Variants in UNC13C observed in about 807,000 individuals in gnomAD.
The protein encoded by UNC13C is protein unc-13 homolog C.
UNC13C carries 174 observed loss-of-function variants against 245.4 expected under a neutral mutation model. The ratio of observed to expected loss-of-function variants is 0.71; its 90% CI spans 0.63 to 0.80. The LOEUF is 0.80. Among genes scored for constraint, UNC13C ranks in the 30% least tolerant of loss-of-function variants. The pLI, the probability that UNC13C is intolerant of heterozygous loss-of-function variation, is 0.00. For synonymous variants in UNC13C, 992 were observed against 895.1 expected, an observed-to-expected ratio of 1.11 and a Z score of -1.93; for missense variants, 2,829 against 2,602.9, an observed-to-expected ratio of 1.09 and a Z score of -1.89.
chr15:54,039,194 G>A (rs150147304), intron 2 of UNC13C, among the ~76,000 whole-genome samples: 2,900 of 152,018 alleles, frequency 0.019, 30 homozygotes, highest in South Asian at 0.071. Flanking sequence ...TGTTTTGTTC[G>A]GTTTTGCACT....
At chr15:54,426,306 T>A (rs11636139) in intron 19 of UNC13C, among the ~76,000 whole-genome samples, 80,019 of 146,636 alleles carry the variant, frequency 0.55, 22,041 homozygotes, top group East Asian at 0.79. Context: ...CTGGTGAAGG[T>A]TCTGCTTCCA....
intron 13 of UNC13C, among the ~76,000 whole-genome samples, chr15:54,319,760 A>G (rs947212803): frequency 8.5e-6 from 1 of 118,156 alleles, no homozygotes; most frequent in Admixed American, 7.6e-5. Flanking sequence ...AAGATATGAG[A>G]GCAAAATAGG....
intron 2 of UNC13C, among the ~76,000 whole-genome samples, chr15:54,041,234 A>G (rs78191665): frequency 0.04 from 6,019 of 152,254 alleles, 380 homozygotes; most frequent in African/African-American, 0.14. Flanking sequence ...AATATTTCCC[A>G]TATCATAAAA....
At chr15:54,178,616 G>C (rs951156638) in intron 4 of UNC13C, among the ~76,000 whole-genome samples, 1 of 152,056 alleles carries the variant, frequency 6.6e-6, no homozygotes, top group Admixed American at 6.6e-5. Context: ...TGTTGTTTTC[G>C]TCCCTGGAAA....
intron 30 of UNC13C, among the ~76,000 whole-genome samples, chr15:54,570,504 G>A (rs145305967): frequency 2.0e-5 from 3 of 152,252 alleles, no homozygotes; most frequent in African/African-American, 4.8e-5. Context: ...GCTATGGCTT[G>A]TTGTAACATG....
At chr15:53,897,861 A>G in the UNC13C span, among the ~76,000 whole-genome samples, 1 of 152,202 alleles carries the variant, frequency 6.6e-6, no homozygotes, top group African/African-American at 2.4e-5. Flanking sequence ...TTTCTCTGAG[A>G]ATGCCCCGAC....
rs551548564 is a variant in UNC13C at position 54,352,734 on chromosome 15, C to G, written c.4713+14245C>G. Among the ~76,000 whole-genome samples the G allele has an allele frequency of 5.3e-5, 8 of 152,170 alleles. 1 individual carries two copies. In the South Asian group the frequency reaches 8.3e-4, roughly 16 times the overall value. On this transcript the variant is annotated intron_variant, in intron 17 of 32. Transcript: ENST00000260323. ...TCCAGTAATCCAATTTCCCCTTGCTCTCTCCAGAACAAGTTAATGGATAAT... is the reference window on the plus strand; with the variant it reads ...TCCAGTAATCCAATTTCCCCTTGCTGTCTCCAGAACAAGTTAATGGATAAT...
chr15:54,116,357 A>T (rs1205125657), intron 2 of UNC13C, among the ~76,000 whole-genome samples: 1 of 152,162 alleles, frequency 6.6e-6, no homozygotes, highest in Admixed American at 6.6e-5. Context: ...GTTCTATTGA[A>T]CATGATGTCT....
At chr15:54,104,105 C>T (rs1170342560) in intron 2 of UNC13C, among the ~76,000 whole-genome samples, 1 of 152,230 alleles carries the variant, frequency 6.6e-6, no homozygotes, top group African/African-American at 2.4e-5. Flanking sequence ...CCTTGGGCCT[C>T]TCGCCTCAGC....
At chr15:54,614,631 A>T (rs1351092968) in intron 30 of UNC13C, among the ~76,000 whole-genome samples, 1 of 151,970 alleles carries the variant, frequency 6.6e-6, no homozygotes, top group East Asian at 1.9e-4. Flanking sequence ...CTGGATTAAA[A>T]TTCTAGGATC....
chr15:54,094,676 C>T (rs1399770771), intron 2 of UNC13C, among the ~76,000 whole-genome samples: 4 of 152,074 alleles, frequency 2.6e-5, no homozygotes, highest in Non-Finnish European at 4.4e-5. Flanking sequence ...GAACACTTCC[C>T]TAAAGTCTTA....
intron 4 of UNC13C, among the ~76,000 whole-genome samples, chr15:54,182,239 T>A (rs2033826077): frequency 6.6e-6 from 1 of 152,028 alleles, no homozygotes; most frequent in Non-Finnish European, 1.5e-5. Flanking sequence ...TTTTTTATAC[T>A]GAAGGGATGT....
chr15:54,226,701 C>T (rs908904004), intron 4 of UNC13C, among the ~76,000 whole-genome samples: 9 of 152,136 alleles, frequency 5.9e-5, no homozygotes, highest in African/African-American at 9.7e-5. Context: ...TGAGGCTGGC[C>T]GCTGAGGCAG....
At chr15:54,204,896 A>G (rs561121960) in intron 4 of UNC13C, among the ~76,000 whole-genome samples, 3 of 152,152 alleles carry the variant, frequency 2.0e-5, no homozygotes, top group African/African-American at 7.2e-5. Context: ...TGCCATGCAT[A>G]TGTGACCTAC....
At chr15:53,971,254 G>A in the UNC13C span, among the ~76,000 whole-genome samples, 1 of 152,142 alleles carries the variant, frequency 6.6e-6, no homozygotes, top group Non-Finnish European at 1.5e-5. Flanking sequence ...TCCTGCAAAT[G>A]AGTGACATTG....
At chr15:53,924,557 A>G in the UNC13C span, among the ~76,000 whole-genome samples, 5 of 152,226 alleles carry the variant, frequency 3.3e-5, no homozygotes, top group Admixed American at 3.3e-4. Context: ...TTTAGCCTGT[A>G]GTAAGGATAA....
chr15:54,284,735 C>T (rs980691176), intron 10 of UNC13C, among the ~76,000 whole-genome samples: 8 of 152,082 alleles, frequency 5.3e-5, no homozygotes, highest in Non-Finnish European at 8.8e-5. Flanking sequence ...AAAATGAACA[C>T]GGGGTATTTT....
At chr15:54,464,313 C>T (rs866664106) in intron 19 of UNC13C, among the ~76,000 whole-genome samples, 2 of 152,056 alleles carry the variant, frequency 1.3e-5, no homozygotes, top group Non-Finnish European at 2.9e-5. Context: ...GCATATCCAT[C>T]TTTTATTAGC....
At chr15:53,879,922 G>C in the UNC13C span, among the ~76,000 whole-genome samples, 2 of 151,674 alleles carry the variant, frequency 1.3e-5, no homozygotes, top group Admixed American at 1.3e-4. Context: ...CGGTATAGTG[G>C]AAAAAAATTT....
Sources: gnomAD v4.1 joint callset for allele counts (sites outside exome capture counted in the v4.1 genomes callset) on GRCh38, gnomAD v4.1.1 for gene constraint, MANE v1.5 for transcripts, NCBI Gene and HGNC (gene_info 2026-07-23, HGNC 2026-07-21) for gene names.